CNOT4: variants seen among roughly 807,000 people sequenced by gnomAD.
CNOT4 encodes CCR4-NOT transcription complex subunit 4.
A neutral mutation model predicts 73.8 loss-of-function variants in CNOT4; 8 were observed. That is an observed-to-expected ratio of 0.11 (90% CI 0.06 to 0.20). CNOT4 has a LOEUF of 0.20. Ranked by LOEUF, CNOT4 falls within the 10% of genes least tolerant of loss-of-function variation. The probability of loss-of-function intolerance (pLI) is 1.00; values close to 1 mark genes in which losing one functional copy is unlikely to be tolerated. For synonymous variants in CNOT4, 293 were observed against 321.1 expected (o/e 0.91, Z 0.94); for missense variants, 564 against 883.4 (o/e 0.64, Z 4.58).
In CNOT4 at chr7:135,363,799, T is replaced by C; in HGVS notation, c.1840+55A>G. The C allele has an allele frequency of 2.2e-6, 3 of 1,385,496 alleles. No individual in the cohort carries two copies. The highest frequency in any genetic ancestry group is 3.0e-6 in the Non-Finnish European group (3 of 1,010,582). The allele number at this position is 1,385,496 out of a possible 1,614,324, so 85.8% of individuals were successfully genotyped here. On this transcript the variant is annotated intron_variant, in intron 11 of 11. Transcript: ENST00000541284. This position sits in a 1 kb window ranked among gnomAD's most constrained non-coding sequence, Gnocchi z 4.3. ...GAGATCTCGGTTTTTATTTAATCTG[T>C]GCTAAAAACCAAACTGTTGGCAGTC...
At chr7:135,416,634 A>G (rs1797889017) in intron 3 of CNOT4, among the ~76,000 whole-genome samples, 1 of 152,136 alleles carries the variant, frequency 6.6e-6, no homozygotes, top group Non-Finnish European at 1.5e-5. Flanking sequence ...ATGCATACCA[A>G]CTCAGCAACC....
At chr7:135,439,096 TTTGAA>T (rs1256319856) in intron 1 of CNOT4, among the ~76,000 whole-genome samples, 1 of 152,246 alleles carries the variant, frequency 6.6e-6, no homozygotes, top group African/African-American at 2.4e-5. Flanking sequence ...ACAAACACTT[TTTGAA>T]AAGTTAAATA....
At chr7:135,474,568 C>T (rs980864195) in intron 1 of CNOT4, among the ~76,000 whole-genome samples, 7 of 152,156 alleles carry the variant, frequency 4.6e-5, no homozygotes, top group East Asian at 1.9e-4. Context: ...TGAGCCACGG[C>T]GCCTGGACTA....
At chr7:135,478,399 A>G (rs1802135304) in intron 1 of CNOT4, among the ~76,000 whole-genome samples, 1 of 152,218 alleles carries the variant, frequency 6.6e-6, no homozygotes, top group African/African-American at 2.4e-5. Context: ...ATAAAAATCA[A>G]CCAGGCCATG....
intron 2 of CNOT4, among the ~76,000 whole-genome samples, chr7:135,424,955 C>A (rs935328357): frequency 1.3e-5 from 2 of 152,188 alleles, no homozygotes; most frequent in African/African-American, 4.8e-5. Flanking sequence ...CTGCCTTTTA[C>A]CAGTCCATAA....
At chr7:135,457,190 A>G (rs931007458) in intron 1 of CNOT4, among the ~76,000 whole-genome samples, 3 of 152,046 alleles carry the variant, frequency 2.0e-5, no homozygotes, top group Non-Finnish European at 4.4e-5. Flanking sequence ...AATACTAGAG[A>G]GAGAAAAGAA....
chr7:135,418,295 A>G (rs1327061705), intron 3 of CNOT4, among the ~76,000 whole-genome samples: 2 of 152,218 alleles, frequency 1.3e-5, no homozygotes, highest in African/African-American at 2.4e-5. Flanking sequence ...GTGAACTAAC[A>G]AAGGTTATGG....
At chr7:135,495,691 AAAGAAAGAAAGAAAGAAAG>A (rs1803487049) in intron 1 of CNOT4, among the ~76,000 whole-genome samples, 4 of 13,102 alleles carry the variant, frequency 3.1e-4, no homozygotes, top group Non-Finnish European at 6.2e-4. Context: ...AAAAAAAAAA[AAAGAAAGAAAGAAAGAAAG>A]AAAGAAAGAA....
intron 2 of CNOT4, among the ~76,000 whole-genome samples, chr7:135,430,007 T>TA (rs1181011521): frequency 1.3e-5 from 2 of 152,180 alleles, no homozygotes; most frequent in African/African-American, 4.8e-5. Context: ...GAGGTCTACA[T>TA]ACAGGAATAT....
At chr7:135,493,649 A>C (rs1353068721) in intron 1 of CNOT4, among the ~76,000 whole-genome samples, 5 of 152,132 alleles carry the variant, frequency 3.3e-5, no homozygotes, top group Non-Finnish European at 2.9e-5. Context: ...CTGACATAGA[A>C]AGGGAAAAGG....
At chr7:135,424,239 T>G (rs767225661) in intron 2 of CNOT4, among the ~76,000 whole-genome samples, 1 of 152,294 alleles carries the variant, frequency 6.6e-6, no homozygotes, top group Non-Finnish European at 1.5e-5. Context: ...CAAAACTTCC[T>G]TCTCCACTTA....
intron 1 of CNOT4, among the ~76,000 whole-genome samples, chr7:135,470,480 T>C (rs1801510385): frequency 6.6e-6 from 1 of 151,534 alleles, no homozygotes; most frequent in Non-Finnish European, 1.5e-5. Flanking sequence ...AGAACCTCAA[T>C]GTCCACCTGG....
chr7:135,390,053 C>A (rs957365978), intron 10 of CNOT4, among the ~76,000 whole-genome samples: 3 of 152,080 alleles, frequency 2.0e-5, no homozygotes, highest in Admixed American at 1.3e-4. Context: ...CAAGTCGATA[C>A]ACTTTATTCT....
chr7:135,424,470 C>T (rs1798378591), intron 2 of CNOT4, among the ~76,000 whole-genome samples: 1 of 152,212 alleles, frequency 6.6e-6, no homozygotes, highest in East Asian at 1.9e-4. Flanking sequence ...TGGGGTAGTT[C>T]CTTCTGAAGT....
chr7:135,464,353 T>TA (rs754907449), intron 1 of CNOT4, among the ~76,000 whole-genome samples: 1 of 152,088 alleles, frequency 6.6e-6, no homozygotes, highest in South Asian at 2.1e-4. Context: ...TATGTAGCCA[T>TA]AAAAAAAGAA....
At chr7:135,434,353 A>C (rs1287622120) in intron 2 of CNOT4, among the ~76,000 whole-genome samples, 1 of 152,130 alleles carries the variant, frequency 6.6e-6, no homozygotes, top group Non-Finnish European at 1.5e-5. Context: ...CAGGATTCAG[A>C]CTCCAAGACT....
intron 7 of CNOT4, among the ~76,000 whole-genome samples, chr7:135,407,796 G>A (rs936193800): frequency 1.3e-5 from 2 of 152,148 alleles, no homozygotes; most frequent in East Asian, 1.9e-4. Flanking sequence ...GAAGTTCTGG[G>A]ATTACAGGCA....
Position 135,363,247 on chromosome 7 carries a change from TCAAA to T in CNOT4, c.1841-65_1841-62del, listed in dbSNP as rs1384953127. 4.6e-6 allele frequency: 7 copies of T among 1,516,518 alleles called. No individual in the cohort carries two copies. Among genetic ancestry groups the T allele is most frequent in the Non-Finnish European group, 1.8e-6 (2 of 1,102,056 alleles). 93.9% of individuals were successfully genotyped at this position (1,516,518 alleles called of 1,614,324 possible). ...AGTTTGTGTGGAAAGAATAAGGTCGTCAAACAAATTTAGAAAGCAAAACCAAAAG... is the reference window on the plus strand; with the variant it reads ...AGTTTGTGTGGAAAGAATAAGGTCGTCAAATTTAGAAAGCAAAACCAAAAG... On this transcript the variant is annotated intron_variant, in intron 11 of 11. Transcript: ENST00000541284. This position sits in a 1 kb window ranked among gnomAD's most constrained non-coding sequence, Gnocchi z 4.3.
intron 1 of CNOT4, among the ~76,000 whole-genome samples, chr7:135,467,988 G>A (rs1005830181): frequency 6.6e-6 from 1 of 152,018 alleles, no homozygotes. Flanking sequence ...GCTCGAGACG[G>A]GCGGCTCACG....
Sources: allele counts gnomAD v4.1 joint callset (sites outside exome capture counted in the v4.1 genomes callset), GRCh38; gene constraint gnomAD v4.1.1; non-coding constraint Gnocchi (gnomAD v3.1); transcripts MANE v1.5; gene names NCBI Gene and HGNC (gene_info 2026-07-23, HGNC 2026-07-21).